Variants in CASTOR2 observed in about 807,000 individuals in gnomAD.
CASTOR2 encodes GATS protein like 2.
A neutral mutation model predicts 31.2 loss-of-function variants in CASTOR2; 8 were observed. The observed-to-expected ratio is 0.26, with a 90% CI of 0.15 to 0.46. The LOEUF is 0.46. Among genes scored for constraint, CASTOR2 ranks in the 20% least tolerant of loss-of-function variants. The probability of loss-of-function intolerance (pLI) is 0.99; values close to 1 mark genes in which losing one functional copy is unlikely to be tolerated. For missense variants in CASTOR2, 216 were observed against 382.1 expected (o/e 0.57, Z 3.62); for synonymous variants, 162 against 158.7 (o/e 1.02, Z -0.16).
Position 75,008,038 on chromosome 7 carries a change from T to C in CASTOR2, c.158T>C (p.Ile53Thr). Residue 53 changes from isoleucine (I) to threonine (T), a missense_variant, in exon 2 of 9, where the codon ATC becomes ACC. By Grantham distance (89) the Ile-to-Thr change is moderately conservative (BLOSUM62 -1). This residue lies in a region of CASTOR2 where 114 missense variants were observed against 194.2 expected (regional missense o/e 0.59). Coordinates refer to ENST00000616305, the MANE Select transcript of CASTOR2 (RefSeq NM_001145064.3). ...ACTGAGACGCCAGAGGATTACACTA[T>C]CATTGTCGATGAGGAAGGATTCCTA... ...SLTETPEDYT[I>T]IVDEEGFLEL... The C allele has an allele frequency of 6.2e-7, 1 of 1,613,882 alleles. No homozygotes were observed.
At position 75,025,137 on chromosome 7, in the gene CASTOR2, G is replaced by A. The variant is rs1805092206; in HGVS notation, c.*438G>A. ...GTGGGGCCGAGTTTGGGGTGCCCTG[G>A]AGGGTTTGGGGGTGAGTACTGTGGT... On this transcript the variant is annotated 3_prime_UTR_variant, in exon 9 of 9. Coordinates refer to ENST00000616305, the MANE Select transcript of CASTOR2 (RefSeq NM_001145064.3). Among the ~76,000 whole-genome samples, 1 of 152,224 alleles carries A rather than the reference G, an allele frequency of 6.6e-6. No homozygotes were observed.
At chr7:75,012,324 G>A (rs1243379337) in intron 2 of CASTOR2, among the ~76,000 whole-genome samples, 15 of 152,196 alleles carry the variant, frequency 9.9e-5, no homozygotes, top group African/African-American at 3.1e-4. Flanking sequence ...TGCTTTTCTC[G>A]AGGTAGTCTC....
chr7:75,000,761 C>T (rs1456042515), intron 1 of CASTOR2, among the ~76,000 whole-genome samples: 8 of 151,998 alleles, frequency 5.3e-5, no homozygotes, highest in African/African-American at 7.2e-5. Flanking sequence ...CCGGTTCAAG[C>T]AATTCTGCAT....
chr7:75,016,050 A>C (rs1305225167), intron 2 of CASTOR2, among the ~76,000 whole-genome samples: 2 of 151,992 alleles, frequency 1.3e-5, no homozygotes, highest in Non-Finnish European at 2.9e-5. Flanking sequence ...TGGGTGACAG[A>C]GTGAGGCTCC....
rs929696164 is a variant in CASTOR2 at position 75,030,229 on chromosome 7, C to A, written c.*5530C>A. On this transcript the variant is annotated 3_prime_UTR_variant, in exon 9 of 9. Coordinates refer to ENST00000616305, the MANE Select transcript of CASTOR2 (RefSeq NM_001145064.3). ...TTTATGCACACGTTTGTGCATGTAC[C>A]TGTGAGCGTGGATGTGTTCCTATGC... Among the ~76,000 whole-genome samples, 243 of 152,338 alleles carry A rather than the reference C, an allele frequency of 1.6e-3. 2 individuals are homozygous for A. The highest frequency in any genetic ancestry group is 2.6e-3 in the Non-Finnish European group (179 of 68,036).
intron 2 of CASTOR2, among the ~76,000 whole-genome samples, chr7:75,010,383 A>G (rs1267805316): frequency 6.6e-6 from 1 of 152,008 alleles, no homozygotes; most frequent in Non-Finnish European, 1.5e-5. Flanking sequence ...GAGCCACTGA[A>G]GGTTGTTGGG....
At chr7:75,019,506 C>A (rs2131955390) in intron 5 of CASTOR2, among the ~76,000 whole-genome samples, 1 of 152,256 alleles carries the variant, frequency 6.6e-6, no homozygotes, top group Admixed American at 6.5e-5. Flanking sequence ...AGACACAGCT[C>A]TACCTAAAAG....
At chr7:75,020,265 C>T (rs587687910) in intron 6 of CASTOR2, 116 bp downstream of exon 6, 59 of 1,030,406 alleles carry the variant, frequency 5.7e-5, no homozygotes, top group South Asian at 1.2e-4. Flanking sequence ...TTTTTTGATA[C>T]GGGGTCTCGC....
chr7:74,995,573 C>T (rs1284845416), intron 1 of CASTOR2, among the ~76,000 whole-genome samples: 5 of 147,278 alleles, frequency 3.4e-5, no homozygotes, highest in East Asian at 4.0e-4. Flanking sequence ...TTTGGGAGGC[C>T]GTGGCGGGCG....
At chr7:74,992,988 C>T (rs1437077480) in intron 1 of CASTOR2, among the ~76,000 whole-genome samples, 1 of 151,928 alleles carries the variant, frequency 6.6e-6, no homozygotes, top group African/African-American at 2.4e-5. Context: ...ATCATGAGGT[C>T]AAGAGATCAA....
intron 6 of CASTOR2, among the ~76,000 whole-genome samples, chr7:75,020,494 T>A (rs1804969283): frequency 6.7e-6 from 1 of 150,274 alleles, no homozygotes; most frequent in Non-Finnish European, 1.5e-5. Context: ...GGCGTGATTT[T>A]TTTTTTTTTT....
At chr7:74,982,070 GAAAA>G (rs1221880591) in intron 1 of CASTOR2, among the ~76,000 whole-genome samples, 21 of 94,932 alleles carry the variant, frequency 2.2e-4, no homozygotes, top group African/African-American at 8.7e-4. Context: ...CCAGTCTCAA[GAAAA>G]AAAAAAAAAA....
intron 1 of CASTOR2, among the ~76,000 whole-genome samples, chr7:74,988,604 C>CT (rs1280017806): frequency 3.3e-5 from 5 of 151,586 alleles, no homozygotes; most frequent in African/African-American, 1.2e-4. Flanking sequence ...GCCCACGCTC[C>CT]TTTTTTTTGG....
chr7:75,028,954 A>G lies in CASTOR2; in HGVS notation c.*4255A>G, dbSNP rs1805220758. Among the ~76,000 whole-genome samples, 2 of 152,144 alleles carry G rather than the reference A, an allele frequency of 1.3e-5. No individual in the cohort carries two copies. The highest frequency in any genetic ancestry group is 2.9e-5 in the Non-Finnish European group (2 of 68,022). ...GGCACCAGGCTGCTGGTGGGAAAGGAAGGAGCTGGGGGATCAGAGGCTTCC... is the reference window on the plus strand; with the variant it reads ...GGCACCAGGCTGCTGGTGGGAAAGGGAGGAGCTGGGGGATCAGAGGCTTCC... On this transcript the variant is annotated 3_prime_UTR_variant, in exon 9 of 9. Coordinates refer to ENST00000616305, the MANE Select transcript of CASTOR2 (RefSeq NM_001145064.3).
Position 75,026,189 on chromosome 7 carries a change from GTTT to G in CASTOR2, c.*1505_*1507del, listed in dbSNP as rs879121750. ...CCCTGTGGTTTTGGCTCTGGCGGGG[GTTT>G]TTTTTTTTTTTTTTGAGATGGGAGT... On this transcript the variant is annotated 3_prime_UTR_variant, in exon 9 of 9. Transcript: ENST00000616305. Among the ~76,000 whole-genome samples the G allele has an allele frequency of 8.5e-6, 1 of 117,738 alleles. No individual in the cohort carries two copies. Among genetic ancestry groups the G allele is most frequent in the Admixed American group, 9.3e-5 (1 of 10,758 alleles). 77.2% of individuals were successfully genotyped at this position (117,738 alleles called of 152,430 possible). A position where few individuals can be genotyped will look rare whatever the true frequency, so the allele number is the denominator to read the frequency against.
intron 1 of CASTOR2, among the ~76,000 whole-genome samples, chr7:74,994,762 A>C (rs1284898867): frequency 3.3e-5 from 5 of 151,986 alleles, no homozygotes; most frequent in African/African-American, 1.2e-4. Flanking sequence ...AAAAAAAAAA[A>C]AGAATCAACC....
chr7:75,024,368 A>G, intron 7 of CASTOR2, 72 bp from the exon 8 acceptor site: 1 of 1,438,666 alleles, frequency 7.0e-7, no homozygotes, highest in Non-Finnish European at 9.6e-7. Flanking sequence ...CACAGAGGGT[A>G]GAGGCTGAAG....
chr7:74,991,214 A>G (rs1449811773), intron 1 of CASTOR2, among the ~76,000 whole-genome samples: 49 of 152,202 alleles, frequency 3.2e-4, no homozygotes, highest in African/African-American at 1.2e-3. Flanking sequence ...GTAGTGGGAG[A>G]CGCAGTGGCC....
At chr7:75,021,677 C>T (rs1241941531) in intron 6 of CASTOR2, among the ~76,000 whole-genome samples, 197 bp from the exon 7 acceptor site, 10 of 152,104 alleles carry the variant, frequency 6.6e-5, no homozygotes, top group African/African-American at 1.9e-4. Flanking sequence ...CCTCCCCATC[C>T]GCCTCCCCTC....
Sources: gnomAD v4.1 joint callset for allele counts (sites outside exome capture counted in the v4.1 genomes callset) on GRCh38, gnomAD v4.1.1 for gene constraint, gnomAD v4.1.1 regional missense constraint, MANE v1.5 for transcripts, NCBI Gene and HGNC (gene_info 2026-07-23, HGNC 2026-07-21) for gene names.